Variants in PKHD1 observed in about 807,000 individuals in gnomAD.
The protein encoded by PKHD1 is fibrocystin.
A neutral mutation model predicts 412.0 loss-of-function variants in PKHD1; 291 were observed. The observed-to-expected ratio is 0.71, with a 90% CI of 0.64 to 0.78. PKHD1 has a LOEUF of 0.78. PKHD1 is among the 30% of genes least tolerant of loss of function. The pLI, the probability that PKHD1 is intolerant of heterozygous loss-of-function variation, is 0.00. For synonymous variants in PKHD1, 1,777 were observed against 1,821.5 expected (o/e 0.98, Z 0.62); for missense variants, 4,825 against 4,950.7 (o/e 0.97, Z 0.76).
chr6:51,776,693 T>A (rs1268262089), intron 53 of PKHD1, among the ~76,000 whole-genome samples: 1 of 152,056 alleles, frequency 6.6e-6, no homozygotes, highest in African/African-American at 2.4e-5. Flanking sequence ...AGTAACAGAA[T>A]CTATTTGAAC....
chr6:51,715,903 A>G (rs1781197385), intron 60 of PKHD1, among the ~76,000 whole-genome samples: 2 of 152,368 alleles, frequency 1.3e-5, no homozygotes, highest in African/African-American at 2.4e-5. Flanking sequence ...AGGACAGGGA[A>G]GGAAATTCAA....
intron 60 of PKHD1, among the ~76,000 whole-genome samples, chr6:51,710,621 A>C (rs1780542946): frequency 6.6e-6 from 1 of 152,164 alleles, no homozygotes; most frequent in South Asian, 2.1e-4. Context: ...ACCCAGGCCA[A>C]ACTCATTAAA....
At chr6:51,725,719 A>G (rs1782495729) in intron 60 of PKHD1, among the ~76,000 whole-genome samples, 1 of 152,222 alleles carries the variant, frequency 6.6e-6, no homozygotes, top group African/African-American at 2.4e-5. Flanking sequence ...TAAATCGACC[A>G]AGTCTGGTAA....
chr6:51,842,419 C>A (rs1024349262), intron 50 of PKHD1, among the ~76,000 whole-genome samples: 5 of 152,084 alleles, frequency 3.3e-5, no homozygotes, highest in Admixed American at 6.5e-5. Context: ...AGCCTTTTAC[C>A]AATATAAAAG....
rs1771477635 is a variant in PKHD1, at chr6:51,847,810, A to T, written c.8072T>A (p.Phe2691Tyr). 3.7e-6 allele frequency: 6 copies of T among 1,613,928 alleles called. No homozygotes were observed. Among genetic ancestry groups the T allele is most frequent in the Non-Finnish European group, 4.2e-6 (5 of 1,179,912 alleles). Reference sequence around the variant, plus strand: ...GAGTTGCCTCAGCTGGCTATTGAAGAACCAGTCACAGCCTTGGTTCTGACC... The same window carrying T: ...GAGTTGCCTCAGCTGGCTATTGAAGTACCAGTCACAGCCTTGGTTCTGACC... ...SPGQNQGCDWFFNSQLRQLTY... is the reference protein window; with the variant it reads ...SPGQNQGCDWYFNSQLRQLTY... Residue 2691 changes from phenylalanine to tyrosine, a missense_variant, in exon 50 of 67, where the codon TTC becomes TAC. Phe to Tyr is a conservative substitution (Grantham distance 22). Coordinates refer to ENST00000371117, the MANE Select transcript of PKHD1 (RefSeq NM_138694.4).
rs1785430993 is a variant in PKHD1, at chr6:51,747,885, A to C, written c.9731T>G (p.Leu3244Arg). 6.2e-7 allele frequency: 1 copy of C among 1,613,890 alleles called. No homozygotes were observed. The highest frequency in any genetic ancestry group is 1.1e-5 in the South Asian group (1 of 91,090). The part of the protein sequence containing the change: ...SNPRGGRIGI[L>R]WPVFTSEPNQ... The stretch of plus-strand genomic sequence containing the variant: ...TGGTTCTGAGGTGAATACAGGCCAC[A>C]GAATACCAATTCGACCTCCTCTTGG... The change falls in exon 58 of 67, where the codon CTG becomes CGG. Residue 3244 changes from leucine to arginine, a missense_variant. Coordinates refer to ENST00000371117, the MANE Select transcript of PKHD1 (RefSeq NM_138694.4).
rs143867809 is a variant in PKHD1, at chr6:52,055,706, C to A, written c.1717G>T (p.Gly573Trp). 1.8e-4 allele frequency: 286 copies of A among 1,613,784 alleles called. No homozygotes were observed. Among genetic ancestry groups the A allele is most frequent in the Non-Finnish European group, 2.2e-4 (255 of 1,179,838 alleles). Residue 573 changes from glycine to tryptophan, a missense_variant, in exon 19 of 67, where the codon GGG (glycine) becomes TGG (tryptophan). Coordinates refer to ENST00000371117, the MANE Select transcript of PKHD1 (RefSeq NM_138694.4). The stretch of plus-strand genomic sequence containing the variant: ...GGCTCCGTCCCACTGGTGAGGTCCC[C>A]ATCAGAGTTGGAAACTTCTGGGCCT... Reference protein sequence around the residue: ...ERGPEVSNSDGDLTSGTEPFC... With the variant: ...ERGPEVSNSDWDLTSGTEPFC...
In PKHD1 at chr6:52,069,498, A is replaced by T. The variant is rs1037991711; in HGVS notation, c.737T>A (p.Ile246Asn). ...TAGGAAAAGATCCTGTTTAGCACTG[A>T]TCAGCCATGCCTTCTTGTGGACCAT... ...KSMVHKKAWL[I>N]SAKQDLFLYQ... The change falls in exon 11 of 67, where the codon ATC becomes AAC. Residue 246 changes from isoleucine to asparagine, a missense_variant. Physicochemically the swap from Ile to Asn is moderately radical, Grantham distance 149. Coordinates refer to ENST00000371117, the MANE Select transcript of PKHD1 (RefSeq NM_138694.4). 6.2e-7 allele frequency: 1 copy of T among 1,613,628 alleles called. No homozygotes were observed. Among genetic ancestry groups the T allele is most frequent in the Admixed American group, 1.7e-5 (1 of 60,008 alleles).
chr6:51,757,356 G>C (rs756446024), intron 55 of PKHD1, among the ~76,000 whole-genome samples: 4 of 152,026 alleles, frequency 2.6e-5, no homozygotes, highest in Non-Finnish European at 5.9e-5. Context: ...AAAATCCATA[G>C]AACTGTTTAA....
chr6:51,823,365 C>CT (rs1766782507), intron 52 of PKHD1, among the ~76,000 whole-genome samples: 1 of 152,072 alleles, frequency 6.6e-6, no homozygotes, highest in Non-Finnish European at 1.5e-5. Context: ...TGTGCCCCTC[C>CT]TAGAAAATTA....
chr6:51,893,776 G>A lies in PKHD1; in HGVS notation c.6997-6531C>T, dbSNP rs561028961. Among the ~76,000 whole-genome samples, 11 of 152,296 alleles carry A rather than the reference G, an allele frequency of 7.2e-5. No individual in the cohort carries two copies. In the South Asian group the frequency reaches 2.1e-3, roughly 29 times the overall value. Reference sequence around the variant, plus strand: ...AGAAAAAAAGTGAGTTAACCCTTCAGGCAGCTCTTAAATATGCATTACCTA... The same window carrying A: ...AGAAAAAAAGTGAGTTAACCCTTCAAGCAGCTCTTAAATATGCATTACCTA... On this transcript the variant is annotated intron_variant, in intron 43 of 66. Transcript: ENST00000371117.
chr6:51,704,645 T>G (rs1327826800), intron 60 of PKHD1, among the ~76,000 whole-genome samples: 2 of 151,946 alleles, frequency 1.3e-5, no homozygotes, highest in Non-Finnish European at 2.9e-5. Flanking sequence ...CCGAGGGAGG[T>G]GCAGTCAAGG....
chr6:52,074,503 A>T lies in PKHD1; in HGVS notation c.449-962T>A, dbSNP rs116813642. 6.2e-3 allele frequency among the ~76,000 whole-genome samples: 946 copies of T among 152,298 alleles called. 10 individuals are homozygous for T. The highest frequency in any genetic ancestry group is 0.022 in the African/African-American group (906 of 41,566). ...ATTCTAATTTTAATAGGGCTAAATG[A>T]TCGATTCCCTAGCCTTGGTGAGTAT... is the stretch of plus-strand genomic sequence containing the variant. On this transcript the variant is annotated intron_variant, in intron 6 of 66. Transcript: ENST00000371117.
intron 52 of PKHD1, among the ~76,000 whole-genome samples, chr6:51,820,462 G>A (rs10080492): frequency 1.5e-3 from 221 of 152,224 alleles, no homozygotes; most frequent in African/African-American, 5.1e-3. Context: ...TTGAAACTAC[G>A]ATACCTATTA....
At chr6:51,680,141 T>C in intron 60 of PKHD1, among the ~76,000 whole-genome samples, 2 of 152,128 alleles carry the variant, frequency 1.3e-5, no homozygotes, top group Middle Eastern at 6.8e-3. Context: ...ATATTATTAT[T>C]ATTATTATGC....
intron 60 of PKHD1, among the ~76,000 whole-genome samples, chr6:51,732,631 G>C (rs1783362231): frequency 1.3e-5 from 2 of 152,278 alleles, no homozygotes; most frequent in South Asian, 4.1e-4. Context: ...TACTATCAAA[G>C]TAGAAAATTT....
intron 52 of PKHD1, among the ~76,000 whole-genome samples, chr6:51,824,927 C>G (rs2151477932): frequency 6.6e-6 from 1 of 152,256 alleles, no homozygotes; most frequent in East Asian, 1.9e-4. Context: ...ATACCACTTT[C>G]AGGCAGAGAA....
chr6:51,749,652 T>C (rs1433888134), intron 57 of PKHD1, among the ~76,000 whole-genome samples: 5 of 152,182 alleles, frequency 3.3e-5, no homozygotes. Flanking sequence ...TAGGTACAAT[T>C]ATTATCCCCA....
chr6:51,631,023 G>A (rs1335632980), intron 65 of PKHD1, among the ~76,000 whole-genome samples: 3 of 152,112 alleles, frequency 2.0e-5, no homozygotes, highest in East Asian at 3.8e-4. Flanking sequence ...GTCTAGAGCT[G>A]GGGGATCAAA....
Sources: gnomAD v4.1 joint callset for allele counts (sites outside exome capture counted in the v4.1 genomes callset) on GRCh38, gnomAD v4.1.1 for gene constraint, MANE v1.5 for transcripts, NCBI Gene and HGNC (gene_info 2026-07-23, HGNC 2026-07-21) for gene names.